Variants in LRRC75A observed in about 807,000 individuals in gnomAD.
LRRC75A encodes leucine rich repeat containing 75A, also known as leucine-rich repeat-containing protein 75A.
In LRRC75A, 12 loss-of-function variants were observed where a neutral mutation model predicts 26.0. The ratio of observed to expected loss-of-function variants is 0.46; its 90% confidence interval spans 0.30 to 0.75. The LOEUF (loss-of-function observed/expected upper bound fraction) is 0.75. Ranked by LOEUF, LRRC75A falls within the 30% of genes least tolerant of loss-of-function variation. LRRC75A has a pLI of 0.08. For synonymous variants in LRRC75A, 223 were observed against 219.3 expected (o/e 1.02, Z -0.15); for missense variants, 410 against 486.6 (o/e 0.84, Z 1.48).
chr17:16,490,536 G>A (rs1004994215), intron 1 of LRRC75A, among the ~76,000 whole-genome samples: 5 of 152,044 alleles, frequency 3.3e-5, no homozygotes, highest in Admixed American at 6.6e-5. Flanking sequence ...AAGTCCCCTC[G>A]TCTCTGCTTG....
intron 2 of LRRC75A, among the ~76,000 whole-genome samples, chr17:16,459,881 T>G (rs1270627747): frequency 6.6e-6 from 1 of 152,222 alleles, no homozygotes; most frequent in Non-Finnish European, 1.5e-5. Context: ...GTCTCTGGGC[T>G]TTAGCAGGGC....
chr17:16,476,888 A>G (rs111611726), intron 1 of LRRC75A, among the ~76,000 whole-genome samples: 6,811 of 151,652 alleles, frequency 0.045, 463 homozygotes, highest in African/African-American at 0.16. Flanking sequence ...ACAGGCGCCC[A>G]CCACCACGCC....
chr17:16,469,509 G>A (rs553210291), intron 1 of LRRC75A, among the ~76,000 whole-genome samples: 238 of 152,296 alleles, frequency 1.6e-3, no homozygotes, highest in African/African-American at 5.6e-3. Context: ...TGACACCCAC[G>A]TCTATCAGCG....
chr17:16,481,740 T>C (rs2093834575), intron 1 of LRRC75A, among the ~76,000 whole-genome samples: 1 of 152,092 alleles, frequency 6.6e-6, no homozygotes, highest in Non-Finnish European at 1.5e-5. Context: ...TCATCCTGCA[T>C]CTGAGCTACA....
At chr17:16,450,799 A>G (rs1347424237) in intron 2 of LRRC75A, among the ~76,000 whole-genome samples, 1 of 152,142 alleles carries the variant, frequency 6.6e-6, no homozygotes, top group Middle Eastern at 3.2e-3. Context: ...AGGATGACTC[A>G]GGGCCAGGCT....
chr17:16,477,941 G>T (rs1178896307), intron 1 of LRRC75A, among the ~76,000 whole-genome samples: 2 of 152,074 alleles, frequency 1.3e-5, no homozygotes, highest in African/African-American at 2.4e-5. Flanking sequence ...AGCTGTGGGT[G>T]GGAGTGGCGG....
At chr17:16,447,822 C>T in intron 3 of LRRC75A, 23 bp downstream of exon 3, 1 of 1,504,344 alleles carries the variant, frequency 6.6e-7, no homozygotes, top group Non-Finnish European at 9.0e-7. Context: ...TGGCATAGAC[C>T]TGCCCGGGGG....
At chr17:16,451,324 A>G (rs2093628613) in intron 2 of LRRC75A, among the ~76,000 whole-genome samples, 1 of 152,150 alleles carries the variant, frequency 6.6e-6, no homozygotes, top group Admixed American at 6.5e-5. Flanking sequence ...CTTAGAGCTC[A>G]AAGGGAGAAT....
intron 3 of LRRC75A, among the ~76,000 whole-genome samples, chr17:16,445,158 ATTTT>A (rs766449990): frequency 2.2e-3 from 153 of 69,724 alleles, no homozygotes; most frequent in South Asian, 8.6e-3. Flanking sequence ...CATTTTCTGC[ATTTT>A]TTTTTTTTTT....
At chr17:16,473,495 C>T (rs906159630) in intron 1 of LRRC75A, among the ~76,000 whole-genome samples, 3 of 152,088 alleles carry the variant, frequency 2.0e-5, no homozygotes, top group African/African-American at 7.2e-5. Flanking sequence ...GCTTGGTGCC[C>T]GCCACCCCCA....
intron 1 of LRRC75A, among the ~76,000 whole-genome samples, chr17:16,483,875 G>A (rs1395343720): frequency 1.3e-5 from 2 of 152,222 alleles, no homozygotes; most frequent in Non-Finnish European, 2.9e-5. Flanking sequence ...TCCTAGACTG[G>A]TGCCTGGAGG....
rs746127037 is a variant in LRRC75A at position 16,443,754 on chromosome 17, G to C, written c.869C>G (p.Pro290Arg). 1 of 1,613,900 alleles carries C rather than the reference G, an allele frequency of 6.2e-7. No individual in the cohort carries two copies. The highest frequency in any genetic ancestry group is 1.1e-5 in the South Asian group (1 of 91,084). Residue 290 changes from proline (P) to arginine (R), a missense_variant, in exon 4 of 4, where the codon CCA becomes CGA. Pro to Arg is a moderately radical substitution (Grantham distance 103). Coordinates refer to ENST00000470794, the MANE Select transcript of LRRC75A (RefSeq NM_001113567.3). ...GATGGTGGGTAGGTGGCCCTGCTTT[G>C]GGGAGCGCTTGCGCAGGCTGAGCAG... Reference protein sequence around the residue: ...PFLLSLRKRSPKQGHLPTILE... With the variant: ...PFLLSLRKRSRKQGHLPTILE...
Position 16,491,733 on chromosome 17 carries a change from C to T in LRRC75A, c.246+12G>A. 1 of 1,349,100 alleles carries T rather than the reference C, an allele frequency of 7.4e-7. No homozygotes were observed. The highest frequency in any genetic ancestry group is 9.5e-7 in the Non-Finnish European group (1 of 1,054,296). The allele number at this position is 1,349,100 out of a possible 1,614,324, so 83.6% of individuals were successfully genotyped here. On this transcript the variant is annotated intron_variant, in intron 1 of 3. Coordinates refer to ENST00000470794, the MANE Select transcript of LRRC75A (RefSeq NM_001113567.3). This position sits in a 1 kb window ranked among gnomAD's most constrained non-coding sequence, Gnocchi z 5.9. The stretch of plus-strand genomic sequence containing the variant: ...GCCCGGCGCGCCCCCCGCGCCCCCT[C>T]CCCGCGCTCACCTGGCGCAGGTGCT...
chr17:16,444,793 C>T (rs148315382), intron 3 of LRRC75A, among the ~76,000 whole-genome samples: 130 of 151,998 alleles, frequency 8.6e-4, no homozygotes, highest in African/African-American at 3.1e-3. Flanking sequence ...CACCCCACCC[C>T]CGCCATCTGT....
Position 16,491,549 on chromosome 17 carries a change from C to A in LRRC75A, c.246+196G>T, listed in dbSNP as rs192271051. On this transcript the variant is annotated intron_variant, in intron 1 of 3. Transcript: ENST00000470794. This position sits in a 1 kb window ranked among gnomAD's most constrained non-coding sequence, Gnocchi z 5.9. ...GGGCCTCACCCGGCCAGCCTTCCTC[C>A]GCCCTGCCCTGAGGCCCCACATTCA... Among the ~76,000 whole-genome samples the A allele has an allele frequency of 2.2e-4, 33 of 152,200 alleles. No homozygotes were observed. The highest frequency in any genetic ancestry group is 4.0e-4 in the Non-Finnish European group (27 of 68,010).
rs115249197 is a variant in LRRC75A at position 16,487,135 on chromosome 17, G to T, written c.246+4610C>A. 4.6e-3 allele frequency among the ~76,000 whole-genome samples: 708 copies of T among 152,338 alleles called. 7 individuals carry two copies. The highest frequency in any genetic ancestry group is 0.02 in the South Asian group (96 of 4,822). ...TGTGGCAGGAACTAAGAGCCACATGGATCTCTGAGCTTCGGCTGACATGCC... is the reference window on the plus strand; with the variant it reads ...TGTGGCAGGAACTAAGAGCCACATGTATCTCTGAGCTTCGGCTGACATGCC... On this transcript the variant is annotated intron_variant, in intron 1 of 3. Coordinates refer to ENST00000470794, the MANE Select transcript of LRRC75A (RefSeq NM_001113567.3).
chr17:16,456,965 C>A (rs888327601), intron 2 of LRRC75A, among the ~76,000 whole-genome samples: 1 of 152,212 alleles, frequency 6.6e-6, no homozygotes, highest in Admixed American at 6.5e-5. Flanking sequence ...GCAGCCTCTC[C>A]AGACCTTCCC....
chr17:16,451,896 C>T (rs2093634130), intron 2 of LRRC75A, among the ~76,000 whole-genome samples: 1 of 148,974 alleles, frequency 6.7e-6, no homozygotes, highest in African/African-American at 2.5e-5. Context: ...AGGCGCCCGC[C>T]AACATGCCCG....
chr17:16,491,813 C>T lies in LRRC75A; in HGVS notation c.178G>A (p.Glu60Lys). The change falls in exon 1 of 4, where the codon GAG (glutamate) becomes AAG (lysine). Residue 60 changes from glutamate (E) to lysine (K), a missense_variant. Coordinates refer to ENST00000470794, the MANE Select transcript of LRRC75A (RefSeq NM_001113567.3). The surrounding 1 kb of genome is among the most constrained non-coding windows in gnomAD (Gnocchi z 5.9). ...PYHRRVGMVQ[E>K]LLRMVRQGRR... ...CCCTGGCGCACCATCCGCAGCAGCT[C>T]CTGGACCATGCCGACTCGCCGGTGG... 1 of 1,419,184 alleles carries T rather than the reference C, an allele frequency of 7.0e-7. No homozygotes were observed. Among genetic ancestry groups the T allele is most frequent in the Non-Finnish European group, 9.2e-7 (1 of 1,084,512 alleles). 87.9% of individuals were successfully genotyped at this position (1,419,184 alleles called of 1,614,324 possible).
Sources: gnomAD v4.1 joint callset for allele counts (sites outside exome capture counted in the v4.1 genomes callset) on GRCh38, gnomAD v4.1.1 for gene constraint, Gnocchi (gnomAD v3.1) non-coding constraint, MANE v1.5 for transcripts, NCBI Gene and HGNC (gene_info 2026-07-23, HGNC 2026-07-21) for gene names.